CLMP: variants seen among roughly 807,000 people sequenced by gnomAD.
CLMP encodes the protein CXADR-like membrane protein.
A neutral mutation model predicts 45.2 loss-of-function variants in CLMP; 27 were observed. That is an observed-to-expected ratio of 0.60 (90% CI 0.44 to 0.82). The LOEUF (loss-of-function observed/expected upper bound fraction) is 0.82. Among genes scored for constraint, CLMP ranks in the 40% least tolerant of loss-of-function variants. The probability of loss-of-function intolerance (pLI) is 0.00; values close to 1 mark genes in which losing one functional copy is unlikely to be tolerated. For missense variants in CLMP, 403 were observed against 448.4 expected (o/e 0.90, Z 0.91); for synonymous variants, 167 against 171.4 (o/e 0.97, Z 0.20).
At chr11:123,141,618 T>G (rs983170869) in intron 1 of CLMP, among the ~76,000 whole-genome samples, 1 of 152,178 alleles carries the variant, frequency 6.6e-6, no homozygotes, top group African/African-American at 2.4e-5. Flanking sequence ...TGAGAACCAC[T>G]GCTCTAAACC....
intron 1 of CLMP, among the ~76,000 whole-genome samples, chr11:123,100,473 G>A (rs756267012): frequency 2.6e-5 from 4 of 152,012 alleles, no homozygotes; most frequent in Admixed American, 1.3e-4. Flanking sequence ...CCAGGAGTAC[G>A]ATGTGTTTTA....
At chr11:123,136,197 C>A in intron 1 of CLMP, 1 of 639,916 alleles carries the variant, frequency 1.6e-6, no homozygotes, top group East Asian at 3.8e-5. Flanking sequence ...AAAAATCCTG[C>A]AAACCAGCCA....
At chr11:123,172,492 C>CT (rs1389842746) in intron 1 of CLMP, among the ~76,000 whole-genome samples, 3 of 151,730 alleles carry the variant, frequency 2.0e-5, no homozygotes, top group Non-Finnish European at 2.9e-5. Flanking sequence ...TATTTATTTG[C>CT]TTTTTTTTAG....
At chr11:123,180,982 G>A (rs80230679) in intron 1 of CLMP, among the ~76,000 whole-genome samples, 1 of 152,154 alleles carries the variant, frequency 6.6e-6, no homozygotes, top group Admixed American at 6.5e-5. Context: ...CTGGGGGCCC[G>A]GGGTGTGTGC....
chr11:123,074,614 G>C, intron 6 of CLMP, 88 bp downstream of exon 6: 1 of 1,348,586 alleles, frequency 7.4e-7, no homozygotes, highest in Non-Finnish European at 1.0e-6. Flanking sequence ...ATGGTTAAGA[G>C]AAAACTGGGA....
intron 2 of CLMP, among the ~76,000 whole-genome samples, chr11:123,087,558 C>T (rs1865879938): frequency 6.6e-6 from 1 of 151,832 alleles, no homozygotes; most frequent in Non-Finnish European, 1.5e-5. Flanking sequence ...TGCAGTGGCT[C>T]ATGCCTGTAA....
chr11:123,171,135 C>G (rs1177410328), intron 1 of CLMP, among the ~76,000 whole-genome samples: 1 of 152,150 alleles, frequency 6.6e-6, no homozygotes, highest in Admixed American at 6.5e-5. Flanking sequence ...GCCAAGTAAG[C>G]ATTTCCCAGG....
intron 1 of CLMP, among the ~76,000 whole-genome samples, chr11:123,168,962 G>A (rs1273894610): frequency 6.6e-6 from 1 of 152,194 alleles, no homozygotes; most frequent in Non-Finnish European, 1.5e-5. Flanking sequence ...TGAGAGGGTA[G>A]TGGGGAAACC....
intron 5 of CLMP, among the ~76,000 whole-genome samples, chr11:123,077,281 C>T (rs572729193): frequency 4.2e-4 from 64 of 151,910 alleles, no homozygotes; most frequent in Admixed American, 2.0e-3. Flanking sequence ...GGATTTCAGG[C>T]GTGAGCCACT....
intron 1 of CLMP, among the ~76,000 whole-genome samples, chr11:123,182,715 C>A (rs1309118122): frequency 3.3e-5 from 5 of 152,184 alleles, no homozygotes; most frequent in Admixed American, 2.0e-4. Flanking sequence ...TCCAGCCCGA[C>A]CTCGGCAAAA....
intron 6 of CLMP, among the ~76,000 whole-genome samples, 195 bp from the exon 7 acceptor site, chr11:123,073,969 A>G (rs774386589): frequency 6.6e-6 from 1 of 152,168 alleles, no homozygotes; most frequent in Non-Finnish European, 1.5e-5. Context: ...TTGTTAGCCC[A>G]CAGGTCAACT....
chr11:123,176,507 T>G (rs1234915316), intron 1 of CLMP, among the ~76,000 whole-genome samples: 1 of 152,216 alleles, frequency 6.6e-6, no homozygotes, highest in Non-Finnish European at 1.5e-5. Context: ...TCCACAGGCT[T>G]CCTTTGAAGG....
chr11:123,180,144 C>T (rs1002900587), intron 1 of CLMP, among the ~76,000 whole-genome samples: 1 of 152,220 alleles, frequency 6.6e-6, no homozygotes, highest in Non-Finnish European at 1.5e-5. Flanking sequence ...TCAGTGAGTA[C>T]ATGAGCATCT....
In CLMP at chr11:123,129,736, C is replaced by T. The variant is rs138945608; in HGVS notation, c.29-31784G>A. Among the ~76,000 whole-genome samples, 95 of 143,156 alleles carry T rather than the reference C, an allele frequency of 6.6e-4. 1 individual carries two copies. The East Asian group carries it at 0.013, about 19-fold the overall frequency. 93.9% of individuals were successfully genotyped at this position (143,156 alleles called of 152,430 possible). On this transcript the variant is annotated intron_variant, in intron 1 of 6. Coordinates refer to ENST00000448775, the MANE Select transcript of CLMP (RefSeq NM_024769.5). ...TATAATATATAGATATAGTTCAGTA[C>T]CACTTCTCATTTGACCACTTTATCT...
chr11:123,119,744 C>T lies in CLMP; in HGVS notation c.29-21792G>A, dbSNP rs201995267. Among the ~76,000 whole-genome samples the T allele has an allele frequency of 2.2e-4, 33 of 151,828 alleles. No individual in the cohort carries two copies. In the East Asian group the frequency reaches 3.3e-3, roughly 15 times the overall value. On this transcript the variant is annotated intron_variant, in intron 1 of 6. Coordinates refer to ENST00000448775, the MANE Select transcript of CLMP (RefSeq NM_024769.5). ...CTTTGTTGCTCAGACTGGAGTACAG[C>T]GGTGCAATGTCTGCTCACAGCAATC...
Position 123,121,741 on chromosome 11 carries a change from C to G in CLMP, c.29-23789G>C, listed in dbSNP as rs142347220. Reference sequence around the variant, plus strand: ...AGCCTTTTAATAAACTGGCTTATAACCACTGGGGTTTCAGCCACTGTGTTT... The same window carrying G: ...AGCCTTTTAATAAACTGGCTTATAAGCACTGGGGTTTCAGCCACTGTGTTT... On this transcript the variant is annotated intron_variant, in intron 1 of 6. Coordinates refer to ENST00000448775, the MANE Select transcript of CLMP (RefSeq NM_024769.5). Among the ~76,000 whole-genome samples, 271 of 152,288 alleles carry G rather than the reference C, an allele frequency of 1.8e-3. 2 individuals are homozygous for G. The highest frequency in any genetic ancestry group is 6.3e-3 in the African/African-American group (263 of 41,558).
chr11:123,185,980 C>A (rs1044898313), intron 1 of CLMP, among the ~76,000 whole-genome samples: 1 of 152,110 alleles, frequency 6.6e-6, no homozygotes, highest in African/African-American at 2.4e-5. Context: ...CTTGCAGCTC[C>A]CACAGGCCAG....
chr11:123,159,106 TC>T (rs1488187611), intron 1 of CLMP, among the ~76,000 whole-genome samples: 1 of 152,102 alleles, frequency 6.6e-6, no homozygotes, highest in East Asian at 1.9e-4. Context: ...AAGCCAAAGA[TC>T]CGTCAAAGCA....
chr11:123,078,176 A>G (rs1176949484), intron 5 of CLMP, among the ~76,000 whole-genome samples: 3 of 152,192 alleles, frequency 2.0e-5, no homozygotes, highest in African/African-American at 7.2e-5. Flanking sequence ...TCTAAAAGAT[A>G]AATTCACAGA....
Sources: allele counts gnomAD v4.1 joint callset (sites outside exome capture counted in the v4.1 genomes callset), GRCh38; gene constraint gnomAD v4.1.1; transcripts MANE v1.5; gene names NCBI Gene and HGNC (gene_info 2026-07-23, HGNC 2026-07-21).